Variants in LINGO2 observed in about 807,000 individuals in gnomAD.
The protein encoded by LINGO2 is leucine-rich repeat and immunoglobulin-like domain-containing nogo receptor-interacting protein 2.
A neutral mutation model predicts 30.6 loss-of-function variants in LINGO2; 14 were observed. That is an observed-to-expected ratio of 0.46 (90% CI 0.30 to 0.72). LINGO2 has a LOEUF of 0.72. Ranked by LOEUF, LINGO2 falls within the 30% of genes least tolerant of loss-of-function variation. The probability of loss-of-function intolerance (pLI) is 0.07; values close to 1 mark genes in which losing one functional copy is unlikely to be tolerated. For missense variants in LINGO2, 729 were observed against 751.7 expected, an observed-to-expected ratio of 0.97 and a Z score of 0.35; for synonymous variants, 317 against 288.5, an observed-to-expected ratio of 1.10 and a Z score of -1.00.
chr9:28,431,550 G>C (rs536662184), intron 2 of LINGO2, among the ~76,000 whole-genome samples: 40 of 152,244 alleles, frequency 2.6e-4, no homozygotes, highest in African/African-American at 9.1e-4. Context: ...CTAGCACCAT[G>C]GCCCTTGATT....
chr9:28,337,861 C>T (rs1375690924), intron 3 of LINGO2, among the ~76,000 whole-genome samples: 1 of 151,800 alleles, frequency 6.6e-6, no homozygotes, highest in Non-Finnish European at 1.5e-5. Flanking sequence ...CAGAAGTTTG[C>T]TGCAGGGGTG....
intron 3 of LINGO2, among the ~76,000 whole-genome samples, chr9:28,352,474 A>G (rs1819943161): frequency 1.4e-5 from 1 of 70,908 alleles, no homozygotes; most frequent in Non-Finnish European, 2.9e-5. Context: ...AAGGAGAACT[A>G]CAAACCACTG....
At chr9:28,447,018 C>T (rs541730460) in intron 2 of LINGO2, among the ~76,000 whole-genome samples, 1 of 152,140 alleles carries the variant, frequency 6.6e-6, no homozygotes, top group Non-Finnish European at 1.5e-5. Flanking sequence ...CTGCCCTCCC[C>T]CTCAGTGCCC....
At chr9:28,371,202 C>A (rs1219391640) in intron 3 of LINGO2, among the ~76,000 whole-genome samples, 1 of 152,178 alleles carries the variant, frequency 6.6e-6, no homozygotes, top group Admixed American at 6.5e-5. Flanking sequence ...TACCATTTAT[C>A]TATGGAGTAC....
intron 4 of LINGO2, among the ~76,000 whole-genome samples, chr9:28,248,695 T>C (rs1396941349): frequency 6.6e-6 from 1 of 152,202 alleles, no homozygotes; most frequent in African/African-American, 2.4e-5. Context: ...TTATTATGCA[T>C]TGCATGCCTG....
intron 2 of LINGO2, among the ~76,000 whole-genome samples, chr9:28,391,192 T>C (rs2134688687): frequency 6.6e-6 from 1 of 152,292 alleles, no homozygotes; most frequent in Admixed American, 6.5e-5. Flanking sequence ...TTCAATGAAA[T>C]GAGAAATTTA....
At chr9:28,682,685 C>A in the LINGO2 span, among the ~76,000 whole-genome samples, 820 of 151,952 alleles carry the variant, frequency 5.4e-3, 10 homozygotes, top group African/African-American at 0.019. Flanking sequence ...TTTGGTCATT[C>A]TAAATGTATT....
the LINGO2 span, among the ~76,000 whole-genome samples, chr9:29,016,058 T>C: frequency 6.6e-6 from 1 of 152,198 alleles, no homozygotes; most frequent in Non-Finnish European, 1.5e-5. Flanking sequence ...AAGGTATTCA[T>C]TTCAGTAAGT....
chr9:28,613,395 T>C (rs1478347495), intron 1 of LINGO2, among the ~76,000 whole-genome samples: 1 of 152,046 alleles, frequency 6.6e-6, no homozygotes, highest in African/African-American at 2.4e-5. Context: ...TGTGTGTGTG[T>C]GTATATAGCT....
the LINGO2 span, among the ~76,000 whole-genome samples, chr9:28,882,681 G>T: frequency 6.6e-6 from 1 of 152,216 alleles, no homozygotes. Flanking sequence ...TTGGTTGTCT[G>T]TCATTGTCCT....
intron 4 of LINGO2, among the ~76,000 whole-genome samples, chr9:28,230,920 T>TATC (rs1821332359): frequency 6.6e-6 from 1 of 151,866 alleles, no homozygotes; most frequent in African/African-American, 2.4e-5. Flanking sequence ...GTATGTAGAG[T>TATC]ATCAAATCAA....
chr9:28,250,107 C>G (rs1296112996), intron 4 of LINGO2, among the ~76,000 whole-genome samples: 1 of 152,110 alleles, frequency 6.6e-6, no homozygotes. Flanking sequence ...AAAACAGTCC[C>G]TGTCCTCATG....
intron 4 of LINGO2, among the ~76,000 whole-genome samples, chr9:28,062,957 G>C (rs1007086582): frequency 6.6e-6 from 1 of 151,734 alleles, no homozygotes; most frequent in Non-Finnish European, 1.5e-5. Context: ...TTCCTTATCC[G>C]AACATTTCAT....
chr9:28,236,708 A>C (rs1442200485), intron 4 of LINGO2, among the ~76,000 whole-genome samples: 1 of 152,136 alleles, frequency 6.6e-6, no homozygotes, highest in Non-Finnish European at 1.5e-5. Context: ...GGACATAATA[A>C]ATACAAGGAT....
At chr9:28,894,613 G>A in the LINGO2 span, among the ~76,000 whole-genome samples, 2 of 151,496 alleles carry the variant, frequency 1.3e-5, no homozygotes, top group Non-Finnish European at 2.9e-5. Flanking sequence ...ATTGTGAGAA[G>A]CAATAGTATT....
chr9:28,821,527 A>C, the LINGO2 span, among the ~76,000 whole-genome samples: 1 of 152,200 alleles, frequency 6.6e-6, no homozygotes, highest in Non-Finnish European at 1.5e-5. Context: ...TTGGAACTAG[A>C]TGCCTCCAGC....
At chr9:28,979,672 A>G in the LINGO2 span, among the ~76,000 whole-genome samples, 1 of 151,942 alleles carries the variant, frequency 6.6e-6, no homozygotes, top group Non-Finnish European at 1.5e-5. Flanking sequence ...ACTCATATGA[A>G]AAATGAAAAA....
the LINGO2 span, among the ~76,000 whole-genome samples, chr9:29,054,638 T>C: frequency 6.6e-6 from 1 of 152,296 alleles, no homozygotes; most frequent in African/African-American, 2.4e-5. Context: ...ACATGAAATA[T>C]GATATCCTGG....
the LINGO2 span, among the ~76,000 whole-genome samples, chr9:29,148,244 T>C: frequency 6.6e-6 from 1 of 152,134 alleles, no homozygotes; most frequent in Admixed American, 6.5e-5. Context: ...ATCCTGAAAA[T>C]GTACACATTA....
Sources: gnomAD v4.1 joint callset for allele counts (sites outside exome capture counted in the v4.1 genomes callset) on GRCh38, gnomAD v4.1.1 for gene constraint, MANE v1.5 for transcripts, NCBI Gene and HGNC (gene_info 2026-07-23, HGNC 2026-07-21) for gene names.